The following ATP8A2 variants were observed in gnomAD, a reference collection of about 807,000 sequenced individuals.
The protein encoded by ATP8A2 is phospholipid-transporting ATPase IB.
A neutral mutation model predicts 165.6 loss-of-function variants in ATP8A2; 100 were observed. The ratio of observed to expected loss-of-function variants is 0.60; its 90% CI spans 0.51 to 0.71. The LOEUF (loss-of-function observed/expected upper bound fraction) is 0.71. ATP8A2 is among the 30% of genes least tolerant of loss of function. ATP8A2 has a pLI of 0.00. For synonymous variants in ATP8A2, 543 were observed against 548.8 expected (o/e 0.99, Z 0.15); for missense variants, 1,227 against 1,479.5 (o/e 0.83, Z 2.80).
intron 24 of ATP8A2, among the ~76,000 whole-genome samples, chr13:25,655,154 CTTTTTTCT>C (rs1474628489): frequency 6.6e-6 from 1 of 152,032 alleles, no homozygotes; most frequent in African/African-American, 2.4e-5. Flanking sequence ...CAGTGGAGTT[CTTTTTTCT>C]TTTTTTCTTT....
At position 25,738,976 on chromosome 13, in the gene ATP8A2, G is replaced by A. The variant is rs143919908; in HGVS notation, c.2385-30070G>A. On this transcript the variant is annotated intron_variant, in intron 25 of 36. Coordinates refer to ENST00000381655, the MANE Select transcript of ATP8A2 (RefSeq NM_016529.6). ...ATCCTTGTTGACTTATCCTTGTTAC[G>A]TAAGTCCAACTTATCTTGTTGATGA... is the stretch of plus-strand genomic sequence containing the variant. Among the ~76,000 whole-genome samples, 340 of 152,304 alleles carry A rather than the reference G, an allele frequency of 2.2e-3. 6 individuals carry two copies. The East Asian group carries it at 0.025, about 11-fold the overall frequency.
chr13:25,409,851 G>C (rs1186996252), intron 1 of ATP8A2, among the ~76,000 whole-genome samples: 1 of 151,902 alleles, frequency 6.6e-6, no homozygotes, highest in Non-Finnish European at 1.5e-5. Flanking sequence ...GAGAAATGTA[G>C]CTATCAGAAA....
intron 24 of ATP8A2, among the ~76,000 whole-genome samples, chr13:25,637,084 C>CCCTG (rs2137543067): frequency 1.1e-5 from 1 of 92,630 alleles, no homozygotes; most frequent in African/African-American, 4.5e-5. Flanking sequence ...CAGAGCAAGA[C>CCCTG]CCTGTCTCAA....
At chr13:25,399,648 C>T (rs1185861449) in intron 1 of ATP8A2, among the ~76,000 whole-genome samples, 2 of 148,840 alleles carry the variant, frequency 1.3e-5, no homozygotes, top group African/African-American at 2.5e-5. Context: ...GTGATCCGCC[C>T]GCCTCGGCCT....
intron 24 of ATP8A2, among the ~76,000 whole-genome samples, chr13:25,623,423 C>G (rs1310200195): frequency 6.6e-6 from 1 of 151,516 alleles, no homozygotes; most frequent in Non-Finnish European, 1.5e-5. Context: ...AAAGCCAGGA[C>G]TATGATTTTT....
intron 1 of ATP8A2, among the ~76,000 whole-genome samples, chr13:25,462,835 G>C (rs2035539980): frequency 6.6e-6 from 1 of 152,128 alleles, no homozygotes; most frequent in African/African-American, 2.4e-5. Flanking sequence ...GAATAGCAAA[G>C]ATACTCCTAT....
intron 1 of ATP8A2, among the ~76,000 whole-genome samples, chr13:25,445,035 T>C (rs922602118): frequency 3.9e-5 from 6 of 152,230 alleles, no homozygotes; most frequent in Admixed American, 6.5e-5. Context: ...TTCTTTATTG[T>C]TTTACATGCG....
chr13:25,893,970 C>T (rs951275167), intron 33 of ATP8A2, among the ~76,000 whole-genome samples: 1 of 152,228 alleles, frequency 6.6e-6, no homozygotes, highest in Admixed American at 6.5e-5. Flanking sequence ...AAAGTTTCTC[C>T]CATTCTGTAG....
intron 28 of ATP8A2, among the ~76,000 whole-genome samples, chr13:25,835,517 G>A (rs547363849): frequency 1.3e-5 from 2 of 152,018 alleles, no homozygotes; most frequent in Non-Finnish European, 2.9e-5. Flanking sequence ...ACAGACACAC[G>A]TCCAATTCCC....
chr13:25,470,466 T>C (rs895372412), intron 2 of ATP8A2, among the ~76,000 whole-genome samples: 1 of 152,162 alleles, frequency 6.6e-6, no homozygotes, highest in Admixed American at 6.5e-5. Context: ...GGTATCCTCA[T>C]GCATTACTGA....
At chr13:25,996,818 G>A (rs1956518512) in intron 35 of ATP8A2, among the ~76,000 whole-genome samples, 1 of 152,226 alleles carries the variant, frequency 6.6e-6, no homozygotes, top group Admixed American at 6.5e-5. Context: ...CAAGTAGCTG[G>A]GATTATAGGC....
chr13:25,685,053 T>C lies in ATP8A2; in HGVS notation c.2212-14120T>C, dbSNP rs543427224. ...CTCATTTAAATAACCTGCTTACAAA[T>C]TGACTCCTCCTGCTTGTGGTTCCTC... On this transcript the variant is annotated intron_variant, in intron 24 of 36. Transcript: ENST00000381655. Among the ~76,000 whole-genome samples, 5 of 152,328 alleles carry C rather than the reference T, an allele frequency of 3.3e-5. No homozygotes were observed. The East Asian group carries it at 7.7e-4, about 24-fold the overall frequency.
At position 26,025,662 on chromosome 13, in the gene ATP8A2, C is replaced by A. The variant is rs939856771; in HGVS notation, c.*5677C>A. On this transcript the variant is annotated 3_prime_UTR_variant, in exon 37 of 37. Coordinates refer to ENST00000381655, the MANE Select transcript of ATP8A2 (RefSeq NM_016529.6). The stretch of plus-strand genomic sequence containing the variant: ...ACCGTTTTCACGTCCTATTAATGTC[C>A]TCTGGTTGTTAAATTACAGCAGCAC... The A allele has an allele frequency of 6.6e-6, 1 of 152,068 alleles. No individual in the cohort carries two copies. Among genetic ancestry groups the A allele is most frequent in the Admixed American group, 6.6e-5 (1 of 15,264 alleles). The allele number at this position is 152,068 out of a possible 1,614,324, so 9.4% of individuals were successfully genotyped here. A position where few individuals can be genotyped will look rare whatever the true frequency, so the allele number is the denominator to read the frequency against.
Position 25,680,482 on chromosome 13 carries a change from T to C in ATP8A2, c.2212-18691T>C, listed in dbSNP as rs952069497. The stretch of plus-strand genomic sequence containing the variant: ...GGAGCTGTGAGAGAGTACTTTTCTG[T>C]TGTTTTAAGCCACCCAGTTTGTGGT... On this transcript the variant is annotated intron_variant, in intron 24 of 36. Transcript: ENST00000381655. Among the ~76,000 whole-genome samples the C allele has an allele frequency of 2.2e-4, 34 of 152,174 alleles. 2 individuals are homozygous for C. The highest frequency in any genetic ancestry group is 4.4e-5 in the Non-Finnish European group (3 of 68,024).
intron 24 of ATP8A2, among the ~76,000 whole-genome samples, chr13:25,656,261 T>C (rs1432947389): frequency 1.4e-5 from 2 of 139,216 alleles, no homozygotes; most frequent in Non-Finnish European, 3.1e-5. Flanking sequence ...TGAATCACAC[T>C]ATTACTTAAA....
chr13:25,818,974 A>C (rs1951094870), intron 27 of ATP8A2, among the ~76,000 whole-genome samples: 1 of 152,190 alleles, frequency 6.6e-6, no homozygotes, highest in Non-Finnish European at 1.5e-5. Context: ...AATTCTTTGA[A>C]GTTGAAGTGA....
chr13:25,569,711 G>T (rs1161022874), intron 16 of ATP8A2, among the ~76,000 whole-genome samples: 1 of 152,162 alleles, frequency 6.6e-6, no homozygotes, highest in African/African-American at 2.4e-5. Flanking sequence ...ATAGTCAACT[G>T]CAATTCAGAG....
chr13:25,676,875 T>A (rs2042383593), intron 24 of ATP8A2, among the ~76,000 whole-genome samples: 1 of 152,166 alleles, frequency 6.6e-6, no homozygotes, highest in Non-Finnish European at 1.5e-5. Flanking sequence ...AAGTTAAAAC[T>A]CCTAAACAAA....
intron 1 of ATP8A2, among the ~76,000 whole-genome samples, chr13:25,393,991 G>A (rs2033337164): frequency 6.6e-6 from 1 of 152,106 alleles, no homozygotes; most frequent in East Asian, 1.9e-4. Context: ...TATTATCTTA[G>A]GATCAATGAG....
Sources: gnomAD v4.1 joint callset for allele counts (sites outside exome capture counted in the v4.1 genomes callset) on GRCh38, gnomAD v4.1.1 for gene constraint, MANE v1.5 for transcripts, NCBI Gene and HGNC (gene_info 2026-07-23, HGNC 2026-07-21) for gene names.